The following UNC13B variants were observed in gnomAD, a reference collection of about 807,000 sequenced individuals.
The protein encoded by UNC13B is unc-13 homolog B.
Under a neutral mutation model 211.0 loss-of-function variants are expected in UNC13B, and 144 were observed. The observed-to-expected ratio is 0.68, with a 90% confidence interval of 0.60 to 0.78. The LOEUF (loss-of-function observed/expected upper bound fraction) is 0.78. Ranked by LOEUF, UNC13B falls within the 30% of genes least tolerant of loss-of-function variation. The pLI, the probability that UNC13B is intolerant of heterozygous loss-of-function variation, is 0.00. For synonymous variants in UNC13B, 709 were observed against 725.8 expected (o/e 0.98, Z 0.37); for missense variants, 1,777 against 2,002.0 (o/e 0.89, Z 2.14).
At chr9:35,224,405 A>G (rs1016105025) in intron 1 of UNC13B, among the ~76,000 whole-genome samples, 1 of 152,130 alleles carries the variant, frequency 6.6e-6, no homozygotes, top group Admixed American at 6.5e-5. Flanking sequence ...TTTTGTAGTA[A>G]TTGTAAATGT....
chr9:35,246,556 G>A (rs1826114153), intron 6 of UNC13B, among the ~76,000 whole-genome samples: 1 of 152,120 alleles, frequency 6.6e-6, no homozygotes, highest in Non-Finnish European at 1.5e-5. Flanking sequence ...TCCAGTTTCA[G>A]CTTTCTACAT....
chr9:35,202,227 T>C (rs1823346375), intron 1 of UNC13B, among the ~76,000 whole-genome samples: 1 of 152,236 alleles, frequency 6.6e-6, no homozygotes, highest in Non-Finnish European at 1.5e-5. Flanking sequence ...TTCTGTTCTT[T>C]TACATTTGCT....
chr9:35,297,545 G>GTTTT (rs1344936605), intron 8 of UNC13B, among the ~76,000 whole-genome samples: 2 of 107,144 alleles, frequency 1.9e-5, no homozygotes, highest in African/African-American at 8.0e-5. Flanking sequence ...CACATACTTT[G>GTTTT]TCTTTTTTTT....
In UNC13B at chr9:35,306,501, C is replaced by A. The variant is rs938802886; in HGVS notation, c.7097C>A (p.Ala2366Asp). 2 of 398,902 alleles carry A rather than the reference C, an allele frequency of 5.0e-6. No individual in the cohort carries two copies. The highest frequency in any genetic ancestry group is 2.1e-5 in the African/African-American group (1 of 48,608). The allele number at this position is 398,902 out of a possible 1,614,324, so 24.7% of individuals were successfully genotyped here. Reference sequence around the variant, plus strand: ...GAAGAAGAGGCTTTCAACCACAAAGCCTTCCCCAGTGACTCACTGTCCAAC... The same window carrying A: ...GAAGAAGAGGCTTTCAACCACAAAGACTTCCCCAGTGACTCACTGTCCAAC... ...PHEEEAFNHK[A>D]FPSDSLSNSF... Residue 2366 changes from alanine (A) to aspartate (D), a missense_variant, in exon 9 of 40, where the codon GCC (alanine) becomes GAC (aspartate). Ala to Asp is a moderately radical substitution (Grantham distance 126). Transcript: ENST00000635942.
At chr9:35,173,962 T>C (rs1821471277) in intron 1 of UNC13B, among the ~76,000 whole-genome samples, 1 of 152,224 alleles carries the variant, frequency 6.6e-6, no homozygotes, top group African/African-American at 2.4e-5. Flanking sequence ...GTACCAGTGA[T>C]GGTGAAAATA....
intron 6 of UNC13B, among the ~76,000 whole-genome samples, chr9:35,255,778 G>C (rs1182628006): frequency 1.3e-5 from 2 of 152,158 alleles, no homozygotes. Context: ...GGGAGGTTCA[G>C]ACTCTTGGAG....
intron 11 of UNC13B, chr9:35,360,939 A>C (rs1457338579): frequency 6.6e-6 from 1 of 152,242 alleles, no homozygotes; most frequent in Non-Finnish European, 1.5e-5. Context: ...TTAGTCTCCC[A>C]AAGTGTTGGG....
chr9:35,402,316 C>G (rs1836369310), intron 37 of UNC13B, among the ~76,000 whole-genome samples: 1 of 146,630 alleles, frequency 6.8e-6, no homozygotes, highest in African/African-American at 2.6e-5. Flanking sequence ...GAGTCTCGCT[C>G]TGTCGCCCAG....
At chr9:35,400,508 C>T in intron 37 of UNC13B, 65 bp downstream of exon 37, 1 of 1,537,840 alleles carries the variant, frequency 6.5e-7, no homozygotes. Flanking sequence ...CCTAGGGAGT[C>T]TGTATCTTCA....
Position 35,306,302 on chromosome 9 carries a change from C to T in UNC13B, c.6898C>T (p.Leu2300Phe), listed in dbSNP as rs1194648488. 6 of 398,928 alleles carry T rather than the reference C, an allele frequency of 1.5e-5. No individual in the cohort carries two copies. Among genetic ancestry groups the T allele is most frequent in the Admixed American group, 4.4e-5 (1 of 22,708 alleles). 24.7% of individuals were successfully genotyped at this position (398,928 alleles called of 1,614,324 possible). A position where few individuals can be genotyped will look rare whatever the true frequency, so the allele number is the denominator to read the frequency against. The change falls in exon 9 of 40, where the codon CTC (leucine) becomes TTC (phenylalanine). Residue 2300 changes from leucine to phenylalanine, a missense_variant. By Grantham distance (22) the Leu-to-Phe change is conservative. Transcript: ENST00000635942. ...TIEVTSLADE[L>F]SVDKDCQEKL... ...TGAGGTTACCTCCCTTGCAGATGAGCTCAGTGTAGACAAGGACTGTCAGGA... is the reference window on the plus strand; with the variant it reads ...TGAGGTTACCTCCCTTGCAGATGAGTTCAGTGTAGACAAGGACTGTCAGGA...
Position 35,295,811 on chromosome 9 carries a change from C to T in UNC13B, c.642C>T (p.His214=). The T allele has an allele frequency of 1.2e-6, 2 of 1,614,162 alleles. No homozygotes were observed. Residue 214 remains histidine (H), a synonymous_variant, in exon 8 of 40, where the codon CAC becomes CAT. Transcript: ENST00000635942. The part of the protein sequence containing the change: ...HTASQPNASV[H]QFPVPVRSPQ... Reference sequence around the variant, plus strand: ...CTTCCCAGCCCAACGCTTCTGTGCACCAGTTCCCTGTGCCGGTGCGATCGC... The same window carrying T: ...CTTCCCAGCCCAACGCTTCTGTGCATCAGTTCCCTGTGCCGGTGCGATCGC...
intron 3 of UNC13B, 60 bp from the exon 4 acceptor site, chr9:35,236,409 A>T (rs1347975079): frequency 1.5e-6 from 2 of 1,327,866 alleles, no homozygotes; most frequent in Non-Finnish European, 2.1e-6. Context: ...AAAACAGGAG[A>T]TGTAGTTGTT....
chr9:35,321,693 G>T (rs513002), intron 11 of UNC13B, among the ~76,000 whole-genome samples: 53,905 of 151,626 alleles, frequency 0.36, 10,013 homozygotes, highest in African/African-American at 0.45. Context: ...TAGAGACCAG[G>T]TCTCACTACA....
chr9:35,225,082 T>C, intron 1 of UNC13B, among the ~76,000 whole-genome samples: 1 of 151,996 alleles, frequency 6.6e-6, no homozygotes, highest in East Asian at 1.9e-4. Context: ...GCTTACATCC[T>C]ACTGAATGGG....
chr9:35,382,314 A>G, intron 20 of UNC13B, 43 bp from the exon 21 acceptor site: 1 of 1,567,612 alleles, frequency 6.4e-7, no homozygotes, highest in East Asian at 2.3e-5. Flanking sequence ...TTTTGCTGCA[A>G]GCCCTGAAGA....
At chr9:35,349,710 G>C (rs973769015) in intron 11 of UNC13B, among the ~76,000 whole-genome samples, 6 of 152,180 alleles carry the variant, frequency 3.9e-5, no homozygotes, top group African/African-American at 1.4e-4. Flanking sequence ...TCTGTCTCTT[G>C]GTTCTTGGCC....
At chr9:35,352,736 G>C in intron 11 of UNC13B, 1 of 1,232,176 alleles carries the variant, frequency 8.1e-7, no homozygotes. Context: ...AACATCTCAA[G>C]TTATCAGTGG....
intron 36 of UNC13B, among the ~76,000 whole-genome samples, 186 bp from the exon 37 acceptor site, chr9:35,400,110 T>C (rs1294335342): frequency 6.6e-6 from 1 of 152,162 alleles, no homozygotes; most frequent in East Asian, 1.9e-4. Context: ...TCCAGGAATG[T>C]GGCCATCCCC....
At position 35,279,688 on chromosome 9, in the gene UNC13B, G is replaced by A. The variant is rs567104971; in HGVS notation, c.527-16008G>A. Among the ~76,000 whole-genome samples the A allele has an allele frequency of 5.1e-4, 78 of 152,242 alleles. 1 individual carries two copies. The highest frequency in any genetic ancestry group is 7.4e-5 in the Non-Finnish European group (5 of 68,010). ...CTGTTGGATGAATAGCTAAAAGTGCGATTGCTGGGCCAAAGCATTGTACAT... is the reference window on the plus strand; with the variant it reads ...CTGTTGGATGAATAGCTAAAAGTGCAATTGCTGGGCCAAAGCATTGTACAT... On this transcript the variant is annotated intron_variant, in intron 7 of 39. Transcript: ENST00000635942.
Sources: allele counts gnomAD v4.1 joint callset (sites outside exome capture counted in the v4.1 genomes callset), GRCh38; gene constraint gnomAD v4.1.1; transcripts MANE v1.5; gene names NCBI Gene and HGNC (gene_info 2026-07-23, HGNC 2026-07-21).